The following B4GALT6 variants were observed in gnomAD, a reference collection of about 807,000 sequenced individuals.
B4GALT6 encodes beta-1,4-galactosyltransferase 6.
B4GALT6 carries 14 observed loss-of-function variants against 46.3 expected under a neutral mutation model. The ratio of observed to expected loss-of-function variants is 0.30; its 90% CI spans 0.20 to 0.47. B4GALT6 has a LOEUF of 0.47. Ranked by LOEUF, B4GALT6 falls within the 20% of genes least tolerant of loss-of-function variation. The pLI, the probability that B4GALT6 is intolerant of heterozygous loss-of-function variation, is 0.99. For missense variants in B4GALT6, 386 were observed against 480.1 expected, an observed-to-expected ratio of 0.80 and a Z score of 1.83; for synonymous variants, 168 against 162.0, an observed-to-expected ratio of 1.04 and a Z score of -0.28.
At chr18:31,626,900 C>CAAA in intron 7 of B4GALT6, 99 bp downstream of exon 7, 1 of 1,029,150 alleles carries the variant, frequency 9.7e-7, no homozygotes, top group Non-Finnish European at 1.4e-6. Context: ...CATATCCCAT[C>CAAA]CCAAAGAATG....
chr18:31,692,777 C>G, the B4GALT6 span, among the ~76,000 whole-genome samples: 1 of 152,054 alleles, frequency 6.6e-6, no homozygotes, highest in Non-Finnish European at 1.5e-5. Flanking sequence ...CTCTTACCCC[C>G]AAAAATAATT....
chr18:31,636,259 T>C (rs772568735), intron 5 of B4GALT6, among the ~76,000 whole-genome samples: 4 of 152,096 alleles, frequency 2.6e-5, no homozygotes, highest in Non-Finnish European at 5.9e-5. Context: ...GCCCAAGCTA[T>C]AAAAACAAAA....
chr18:31,680,431 A>T (rs1247662673), intron 1 of B4GALT6, among the ~76,000 whole-genome samples: 4 of 152,190 alleles, frequency 2.6e-5, no homozygotes, highest in Non-Finnish European at 5.9e-5. Context: ...ACCCATCGCC[A>T]TCAGCTCCAC....
intron 5 of B4GALT6, among the ~76,000 whole-genome samples, chr18:31,638,286 A>T (rs1233319610): frequency 6.6e-6 from 1 of 152,060 alleles, no homozygotes; most frequent in Non-Finnish European, 1.5e-5. Flanking sequence ...CTAGCACTTT[A>T]GGAGGCCGAG....
rs140228863 is a variant in B4GALT6 at position 31,675,839 on chromosome 18, T to C, written c.115+8473A>G. Reference sequence around the variant, plus strand: ...TGTCAGAGTATATAAGTGTACAGTATATAAGAAGTCTATCAAAATGAAGTA... The same window carrying C: ...TGTCAGAGTATATAAGTGTACAGTACATAAGAAGTCTATCAAAATGAAGTA... On this transcript the variant is annotated intron_variant, in intron 1 of 8. Coordinates refer to ENST00000306851, the MANE Select transcript of B4GALT6 (RefSeq NM_004775.5). Among the ~76,000 whole-genome samples, 213 of 152,306 alleles carry C rather than the reference T, an allele frequency of 1.4e-3. 1 individual carries two copies. Among genetic ancestry groups the C allele is most frequent in the Non-Finnish European group, 2.0e-3 (137 of 67,998 alleles).
the B4GALT6 span, among the ~76,000 whole-genome samples, chr18:31,705,630 C>A: frequency 1.3e-5 from 2 of 152,202 alleles, no homozygotes; most frequent in Non-Finnish European, 2.9e-5. Flanking sequence ...TCAGGTGATC[C>A]ATCCGCCTTG....
rs1028319995 is a variant in B4GALT6 at position 31,622,355 on chromosome 18, G to A, written c.*3259C>T. ...AGAAATTACTAGCATTTATTTCAGT[G>A]CATTTATGTAGAAGCCTTTCATCTA... On this transcript the variant is annotated 3_prime_UTR_variant, in exon 9 of 9. Coordinates refer to ENST00000306851, the MANE Select transcript of B4GALT6 (RefSeq NM_004775.5). 6.6e-6 allele frequency: 1 copy of A among 152,022 alleles called. No homozygotes were observed. The highest frequency in any genetic ancestry group is 1.5e-5 in the Non-Finnish European group (1 of 67,910). 9.4% of individuals were successfully genotyped at this position (152,022 alleles called of 1,614,324 possible). A position where few individuals can be genotyped will look rare whatever the true frequency, so the allele number is the denominator to read the frequency against.
rs1247767461 is a variant in B4GALT6, at chr18:31,623,207, ATAAT to A, written c.*2403_*2406del. 2 of 152,084 alleles carry A rather than the reference ATAAT, an allele frequency of 1.3e-5. No individual in the cohort carries two copies. Among genetic ancestry groups the A allele is most frequent in the Non-Finnish European group, 2.9e-5 (2 of 67,910 alleles). 9.4% of individuals were successfully genotyped at this position (152,084 alleles called of 1,614,324 possible). On this transcript the variant is annotated 3_prime_UTR_variant, in exon 9 of 9. Coordinates refer to ENST00000306851, the MANE Select transcript of B4GALT6 (RefSeq NM_004775.5). ...CAATGTATTTGTTAATCTTTATGTA[ATAAT>A]TAATACAATGAAGATAAACGGGCAC...
intron 1 of B4GALT6, among the ~76,000 whole-genome samples, chr18:31,676,550 T>C (rs2074417064): frequency 6.6e-6 from 1 of 152,114 alleles, no homozygotes; most frequent in Admixed American, 6.5e-5. Context: ...ATGATCCTGG[T>C]TGGTATGAAT....
chr18:31,707,796 C>T, the B4GALT6 span, among the ~76,000 whole-genome samples: 1 of 151,948 alleles, frequency 6.6e-6, no homozygotes, highest in Non-Finnish European at 1.5e-5. Context: ...TCCCTAATAC[C>T]ACTGTAGAAC....
At chr18:31,679,452 T>C (rs1340458498) in intron 1 of B4GALT6, among the ~76,000 whole-genome samples, 1 of 152,198 alleles carries the variant, frequency 6.6e-6, no homozygotes, top group African/African-American at 2.4e-5. Context: ...CCAATGACTC[T>C]TGTAACAAAG....
At chr18:31,628,444 A>G (rs1010845455) in intron 6 of B4GALT6, among the ~76,000 whole-genome samples, 1 of 152,258 alleles carries the variant, frequency 6.6e-6, no homozygotes, top group Non-Finnish European at 1.5e-5. Context: ...TAAATCAGCA[A>G]GCCTATCAAT....
chr18:31,650,347 G>A (rs541645110), intron 3 of B4GALT6, among the ~76,000 whole-genome samples: 1 of 152,192 alleles, frequency 6.6e-6, no homozygotes, highest in African/African-American at 2.4e-5. Flanking sequence ...TCAACGGCTT[G>A]AACTACCCAC....
the B4GALT6 span, among the ~76,000 whole-genome samples, chr18:31,713,400 G>A: frequency 1.3e-5 from 2 of 152,116 alleles, no homozygotes; most frequent in African/African-American, 4.8e-5. Context: ...TACTGAGCAC[G>A]GACCTTAAGC....
intron 5 of B4GALT6, among the ~76,000 whole-genome samples, chr18:31,635,947 A>G (rs2073852986): frequency 6.6e-6 from 1 of 152,268 alleles, no homozygotes; most frequent in Non-Finnish European, 1.5e-5. Context: ...AATAAAGCCT[A>G]GCAGACCTTT....
intron 3 of B4GALT6, among the ~76,000 whole-genome samples, chr18:31,649,546 A>G (rs141399643): frequency 6.6e-6 from 1 of 150,860 alleles, no homozygotes; most frequent in East Asian, 1.9e-4. Context: ...CAATTCAACA[A>G]GCAAAAAACA....
At position 31,624,123 on chromosome 18, in the gene B4GALT6, G is replaced by A. The variant is rs2073654661; in HGVS notation, c.*1491C>T. 2.6e-5 allele frequency: 4 copies of A among 152,096 alleles called. No individual in the cohort carries two copies. The South Asian group carries it at 8.3e-4, about 32-fold the overall frequency. The allele number at this position is 152,096 out of a possible 1,614,324, so 9.4% of individuals were successfully genotyped here. On this transcript the variant is annotated 3_prime_UTR_variant, in exon 9 of 9. Transcript: ENST00000306851. ...TAAGATATGTACTTGATATCAGGTAGTAAGACCTTTTTTCAGAGAACAGTC... is the reference window on the plus strand; with the variant it reads ...TAAGATATGTACTTGATATCAGGTAATAAGACCTTTTTTCAGAGAACAGTC...
At chr18:31,633,179 T>A (rs945906334) in intron 5 of B4GALT6, among the ~76,000 whole-genome samples, 1 of 152,112 alleles carries the variant, frequency 6.6e-6, no homozygotes, top group Non-Finnish European at 1.5e-5. Context: ...GGTTTCTGAT[T>A]CATAATCATT....
chr18:31,668,470 A>C (rs2074308772), intron 1 of B4GALT6, among the ~76,000 whole-genome samples: 1 of 152,220 alleles, frequency 6.6e-6, no homozygotes, highest in South Asian at 2.1e-4. Context: ...ATAAAAGTTG[A>C]AATTATTTAA....
Sources: allele counts gnomAD v4.1 joint callset (sites outside exome capture counted in the v4.1 genomes callset), GRCh38; gene constraint gnomAD v4.1.1; transcripts MANE v1.5; gene names NCBI Gene and HGNC (gene_info 2026-07-23, HGNC 2026-07-21).